LUZP2: variants seen among roughly 807,000 people sequenced by gnomAD.
The protein encoded by LUZP2 is leucine zipper protein 2.
In LUZP2, 52 loss-of-function variants were observed where a neutral mutation model predicts 51.6. The observed-to-expected ratio is 1.01, with a 90% CI of 0.81 to 1.27. The LOEUF is 1.27. Among genes scored for constraint, LUZP2 ranks in the 50% most tolerant of loss-of-function variants. The probability of loss-of-function intolerance (pLI) is 0.00; values close to 1 mark genes in which losing one functional copy is unlikely to be tolerated. For synonymous variants in LUZP2, 154 were observed against 137.3 expected, an observed-to-expected ratio of 1.12 and a Z score of -0.85; for missense variants, 436 against 395.4, an observed-to-expected ratio of 1.10 and a Z score of -0.87.
chr11:25,050,237 C>T, intron 10 of LUZP2, 107 bp downstream of exon 10: 1 of 307,056 alleles, frequency 3.3e-6, no homozygotes, highest in Non-Finnish European at 6.1e-6. Flanking sequence ...TATGTAATAT[C>T]TACTATCTAA....
In LUZP2 at chr11:24,685,015, G is replaced by C. The variant is rs186114311; in HGVS notation, c.63-44154G>C. Among the ~76,000 whole-genome samples, 317 of 135,102 alleles carry C rather than the reference G, an allele frequency of 2.3e-3. 2 individuals are homozygous for C. The highest frequency in any genetic ancestry group is 4.1e-3 in the Non-Finnish European group (262 of 64,162). 88.6% of individuals were successfully genotyped at this position (135,102 alleles called of 152,430 possible). A position where few individuals can be genotyped will look rare whatever the true frequency, so the allele number is the denominator to read the frequency against. Reference sequence around the variant, plus strand: ...TTCTCTTAAAGTGTCACCACTTACTGTATTTTGCTCTGTGTGTGTGTGTGT... The same window carrying C: ...TTCTCTTAAAGTGTCACCACTTACTCTATTTTGCTCTGTGTGTGTGTGTGT... On this transcript the variant is annotated intron_variant, in intron 1 of 11. Coordinates refer to ENST00000336930, the MANE Select transcript of LUZP2 (RefSeq NM_001009909.4).
intron 1 of LUZP2, among the ~76,000 whole-genome samples, chr11:24,568,856 C>T (rs879425997): frequency 4.0e-5 from 6 of 151,882 alleles, no homozygotes; most frequent in Non-Finnish European, 2.9e-5. Context: ...ATAGCCGTTG[C>T]TTCTTTGAAA....
At chr11:24,612,097 G>C (rs987264195) in intron 1 of LUZP2, among the ~76,000 whole-genome samples, 1 of 152,094 alleles carries the variant, frequency 6.6e-6, no homozygotes, top group African/African-American at 2.4e-5. Context: ...ATAGTGAGTA[G>C]TTATGAAGCT....
intron 7 of LUZP2, among the ~76,000 whole-genome samples, chr11:24,952,374 GA>G (rs754708344): frequency 3.3e-5 from 5 of 151,652 alleles, no homozygotes; most frequent in Admixed American, 6.6e-5. Context: ...TACTTTGGTA[GA>G]ATTTATATTG....
At chr11:24,682,381 G>C (rs1856763215) in intron 1 of LUZP2, among the ~76,000 whole-genome samples, 1 of 151,604 alleles carries the variant, frequency 6.6e-6, no homozygotes, top group South Asian at 2.1e-4. Flanking sequence ...TGTAATCCTA[G>C]CTACTCGGGA....
intron 1 of LUZP2, among the ~76,000 whole-genome samples, chr11:24,583,730 G>A (rs1303443171): frequency 6.7e-6 from 1 of 148,858 alleles, no homozygotes; most frequent in African/African-American, 2.5e-5. Flanking sequence ...TTGAGATGGA[G>A]TCTCGCTCTG....
chr11:25,061,402 G>A (rs1314712990), intron 10 of LUZP2, among the ~76,000 whole-genome samples: 1 of 152,142 alleles, frequency 6.6e-6, no homozygotes, highest in African/African-American at 2.4e-5. Context: ...TGGTGAATAT[G>A]TGTATCTGAG....
chr11:24,640,356 A>T (rs1855237727), intron 1 of LUZP2, among the ~76,000 whole-genome samples: 1 of 151,912 alleles, frequency 6.6e-6, no homozygotes, highest in Non-Finnish European at 1.5e-5. Flanking sequence ...TACCAATCAG[A>T]TGGCTAATTG....
intron 9 of LUZP2, among the ~76,000 whole-genome samples, chr11:24,985,130 A>T (rs1856153153): frequency 6.6e-6 from 1 of 151,714 alleles, no homozygotes; most frequent in Admixed American, 6.6e-5. Context: ...AGTGTTTTGT[A>T]TTCAACTACA....
chr11:24,637,497 G>A (rs577128493), intron 1 of LUZP2, among the ~76,000 whole-genome samples: 3 of 151,904 alleles, frequency 2.0e-5, no homozygotes, highest in East Asian at 1.9e-4. Context: ...CTGTGGGGTC[G>A]GGCAGAATAG....
At chr11:24,987,051 A>G (rs1856208053) in intron 9 of LUZP2, among the ~76,000 whole-genome samples, 1 of 151,854 alleles carries the variant, frequency 6.6e-6, no homozygotes, top group Non-Finnish European at 1.5e-5. Flanking sequence ...AACGGAGATA[A>G]TTACAGCACC....
At chr11:24,527,565 TCTCACACACACACA>T (rs1850847354) in intron 1 of LUZP2, among the ~76,000 whole-genome samples, 1 of 124,696 alleles carries the variant, frequency 8.0e-6, no homozygotes, top group African/African-American at 2.9e-5. Flanking sequence ...TCTCTCTCTC[TCTCACACACACACA>T]CACACACACA....
chr11:24,783,309 G>A (rs1849145518), intron 5 of LUZP2, among the ~76,000 whole-genome samples: 1 of 151,662 alleles, frequency 6.6e-6, no homozygotes, highest in Non-Finnish European at 1.5e-5. Context: ...TGACAGAGTG[G>A]AAAACTGCTA....
chr11:24,829,239 A>C (rs2716488), intron 5 of LUZP2, among the ~76,000 whole-genome samples: 49,204 of 151,938 alleles, frequency 0.32, 8,245 homozygotes, highest in African/African-American at 0.37. Flanking sequence ...AGAGAGAATG[A>C]TTAGCAAGAC....
intron 5 of LUZP2, chr11:24,890,862 T>G: frequency 1.0e-6 from 1 of 952,450 alleles, no homozygotes; most frequent in Non-Finnish European, 1.2e-6. Context: ...ATATAAAGCA[T>G]TTTAGGGCCA....
At chr11:24,627,562 G>A (rs926967301) in intron 1 of LUZP2, among the ~76,000 whole-genome samples, 17 of 152,166 alleles carry the variant, frequency 1.1e-4, no homozygotes, top group Non-Finnish European at 2.9e-5. Flanking sequence ...CATTCAGATA[G>A]CAATTTGCTT....
chr11:24,914,656 A>G, intron 7 of LUZP2, 118 bp downstream of exon 7: 1 of 677,824 alleles, frequency 1.5e-6, no homozygotes, highest in South Asian at 2.0e-5. Flanking sequence ...GTTGCATTTG[A>G]CTGCATTAGA....
At chr11:24,558,857 A>T (rs1274294357) in intron 1 of LUZP2, among the ~76,000 whole-genome samples, 1 of 152,166 alleles carries the variant, frequency 6.6e-6, no homozygotes, top group Non-Finnish European at 1.5e-5. Flanking sequence ...CCCTCACTAG[A>T]CATTGAATCT....
intron 7 of LUZP2, among the ~76,000 whole-genome samples, chr11:24,968,104 C>T (rs12796003): frequency 0.37 from 56,954 of 152,008 alleles, 12,721 homozygotes; most frequent in East Asian, 0.7. Flanking sequence ...TACCCAAGCT[C>T]CTCTTATTTA....
Sources: allele counts gnomAD v4.1 joint callset (sites outside exome capture counted in the v4.1 genomes callset), GRCh38; gene constraint gnomAD v4.1.1; transcripts MANE v1.5; gene names NCBI Gene and HGNC (gene_info 2026-07-23, HGNC 2026-07-21).